GALNTL6: variants seen among roughly 807,000 people sequenced by gnomAD.
GALNTL6 encodes polypeptide N-acetylgalactosaminyltransferase-like 6.
GALNTL6 carries 46 observed loss-of-function variants against 73.7 expected under a neutral mutation model. The observed-to-expected ratio is 0.62, with a 90% confidence interval of 0.49 to 0.80. GALNTL6 has a LOEUF of 0.80. Ranked by LOEUF, GALNTL6 falls within the 30% of genes least tolerant of loss-of-function variation. The probability of loss-of-function intolerance (pLI) is 0.00; values close to 1 mark genes in which losing one functional copy is unlikely to be tolerated. For missense variants in GALNTL6, 604 were observed against 755.0 expected (o/e 0.80, Z 2.34); for synonymous variants, 259 against 263.7 (o/e 0.98, Z 0.17).
chr4:172,447,877 A>C lies in GALNTL6; in HGVS notation c.553+99188A>C, dbSNP rs1165585394. Among the ~76,000 whole-genome samples, 3 of 152,312 alleles carry C rather than the reference A, an allele frequency of 2.0e-5. No homozygotes were observed. The East Asian group carries it at 5.8e-4, about 29-fold the overall frequency. On this transcript the variant is annotated intron_variant, in intron 5 of 12. Transcript: ENST00000506823. Reference sequence around the variant, plus strand: ...ATGCATTTCATTTATATTAAAGGCAAACCTAGACTAAGGAATAAGTTGTCT... The same window carrying C: ...ATGCATTTCATTTATATTAAAGGCACACCTAGACTAAGGAATAAGTTGTCT...
At chr4:172,221,575 T>A (rs367935613) in intron 2 of GALNTL6, among the ~76,000 whole-genome samples, 1 of 146,826 alleles carries the variant, frequency 6.8e-6, no homozygotes, top group Non-Finnish European at 1.5e-5. Context: ...GTGTGTGTGT[T>A]TCTTCACCCT....
chr4:172,318,473 C>T (rs1227985092), intron 4 of GALNTL6, among the ~76,000 whole-genome samples: 1 of 152,066 alleles, frequency 6.6e-6, no homozygotes, highest in Non-Finnish European at 1.5e-5. Flanking sequence ...GAGGCTGAGG[C>T]AGGTGGATCA....
chr4:172,934,807 T>C (rs1748523106), intron 9 of GALNTL6, among the ~76,000 whole-genome samples: 2 of 152,228 alleles, frequency 1.3e-5, no homozygotes, highest in Non-Finnish European at 2.9e-5. Context: ...AAAGGTCCAC[T>C]GAGTGTCGCT....
At chr4:172,215,305 A>G (rs1041096993) in intron 2 of GALNTL6, among the ~76,000 whole-genome samples, 1 of 152,210 alleles carries the variant, frequency 6.6e-6, no homozygotes, top group South Asian at 2.1e-4. Flanking sequence ...TATCTTTACT[A>G]GTTTTCTGCC....
intron 2 of GALNTL6, among the ~76,000 whole-genome samples, chr4:172,192,092 A>G (rs1234186763): frequency 6.6e-6 from 1 of 152,106 alleles, no homozygotes; most frequent in Non-Finnish European, 1.5e-5. Flanking sequence ...TAAATTGAAA[A>G]TATTTGCAAA....
intron 2 of GALNTL6, among the ~76,000 whole-genome samples, chr4:172,169,975 A>G (rs1357271208): frequency 6.6e-6 from 1 of 152,226 alleles, no homozygotes; most frequent in Non-Finnish European, 1.5e-5. Context: ...AGGAAAACTG[A>G]GAGTTGGAGT....
intron 5 of GALNTL6, among the ~76,000 whole-genome samples, chr4:172,608,900 T>C (rs550508114): frequency 1.3e-5 from 2 of 152,258 alleles, no homozygotes; most frequent in African/African-American, 4.8e-5. Flanking sequence ...ATAGATGAGA[T>C]TGCATTCTTA....
chr4:172,658,206 C>CCTGTAAT (rs1455881771), intron 5 of GALNTL6, among the ~76,000 whole-genome samples: 3 of 139,636 alleles, frequency 2.1e-5, no homozygotes, highest in Non-Finnish European at 4.6e-5. Context: ...GTGGCTCATG[C>CCTGTAAT]CTGTAATCCC....
At chr4:172,575,543 C>T (rs1196163246) in intron 5 of GALNTL6, among the ~76,000 whole-genome samples, 1 of 152,180 alleles carries the variant, frequency 6.6e-6, no homozygotes, top group Non-Finnish European at 1.5e-5. Flanking sequence ...AAAAACAGAT[C>T]TGATTTCAAA....
chr4:172,814,617 A>G (rs1388034647), intron 7 of GALNTL6, among the ~76,000 whole-genome samples: 3 of 152,186 alleles, frequency 2.0e-5, no homozygotes, highest in Non-Finnish European at 4.4e-5. Context: ...CTCTGAGTCC[A>G]TTTAAAATGC....
At chr4:172,305,590 T>C (rs952663812) in intron 3 of GALNTL6, among the ~76,000 whole-genome samples, 2 of 152,304 alleles carry the variant, frequency 1.3e-5, no homozygotes, top group Middle Eastern at 3.4e-3. Context: ...ACATACAATT[T>C]TTTTTTTGTT....
chr4:172,342,675 A>C (rs1211906547), intron 4 of GALNTL6, among the ~76,000 whole-genome samples: 1 of 152,076 alleles, frequency 6.6e-6, no homozygotes, highest in Non-Finnish European at 1.5e-5. Context: ...AATCTCTTTC[A>C]TTTTTCCATT....
intron 2 of GALNTL6, among the ~76,000 whole-genome samples, chr4:172,064,760 A>G (rs549897242): frequency 1.3e-5 from 2 of 152,254 alleles, no homozygotes; most frequent in South Asian, 4.1e-4. Context: ...ACAGTAATCA[A>G]TTTAGCAATC....
intron 10 of GALNTL6, among the ~76,000 whole-genome samples, chr4:172,970,330 T>C (rs1750519773): frequency 6.6e-6 from 1 of 152,150 alleles, no homozygotes; most frequent in Admixed American, 6.5e-5. Flanking sequence ...GCAGGATTTT[T>C]TCCCCACCCT....
intron 2 of GALNTL6, among the ~76,000 whole-genome samples, chr4:172,209,280 C>T (rs1182187509): frequency 6.6e-6 from 1 of 151,938 alleles, no homozygotes; most frequent in African/African-American, 2.4e-5. Context: ...TTATCCATGA[C>T]AAGCTCAGTG....
intron 5 of GALNTL6, among the ~76,000 whole-genome samples, chr4:172,398,228 C>T (rs1743917875): frequency 6.6e-6 from 1 of 151,992 alleles, no homozygotes; most frequent in African/African-American, 2.4e-5. Context: ...GGAACAGGAA[C>T]AAAAGGAGTT....
At chr4:172,651,070 T>C (rs1740454521) in intron 5 of GALNTL6, among the ~76,000 whole-genome samples, 1 of 152,220 alleles carries the variant, frequency 6.6e-6, no homozygotes, top group Non-Finnish European at 1.5e-5. Context: ...TACTTGATGA[T>C]TAGAACTTAG....
chr4:172,711,620 TGAG>T (rs1410116556), intron 5 of GALNTL6, among the ~76,000 whole-genome samples: 1 of 152,098 alleles, frequency 6.6e-6, no homozygotes, highest in Non-Finnish European at 1.5e-5. Flanking sequence ...TCTCCATTCC[TGAG>T]GAGGAGCAGG....
chr4:171,944,296 T>C (rs1212230340), intron 2 of GALNTL6, among the ~76,000 whole-genome samples: 2 of 152,056 alleles, frequency 1.3e-5, no homozygotes, highest in African/African-American at 2.4e-5. Flanking sequence ...TGTGTTGGAA[T>C]AGAAGAAGTT....
Sources: gnomAD v4.1 joint callset for allele counts (sites outside exome capture counted in the v4.1 genomes callset) on GRCh38, gnomAD v4.1.1 for gene constraint, MANE v1.5 for transcripts, NCBI Gene and HGNC (gene_info 2026-07-23, HGNC 2026-07-21) for gene names.